The following SYT1 variants were observed in gnomAD, a reference collection of about 807,000 sequenced individuals.
SYT1 encodes the protein synaptotagmin 1.
A neutral mutation model predicts 44.8 loss-of-function variants in SYT1; 8 were observed. The ratio of observed to expected loss-of-function variants is 0.18; its 90% CI spans 0.10 to 0.32. The LOEUF (loss-of-function observed/expected upper bound fraction) is 0.32. Ranked by LOEUF, SYT1 falls within the 10% of genes least tolerant of loss-of-function variation. The probability of loss-of-function intolerance (pLI) is 1.00; values close to 1 mark genes in which losing one functional copy is unlikely to be tolerated. For missense variants in SYT1, 286 were observed against 509.3 expected (o/e 0.56, Z 4.22); for synonymous variants, 154 against 188.8 (o/e 0.82, Z 1.51).
At chr12:79,218,902 T>C (rs1263531727) in intron 4 of SYT1, among the ~76,000 whole-genome samples, 1 of 152,160 alleles carries the variant, frequency 6.6e-6, no homozygotes, top group Admixed American at 6.5e-5. Context: ...CTGGATCATA[T>C]GGTAGTTCTA....
At chr12:79,329,930 A>G (rs1409609908) in intron 8 of SYT1, among the ~76,000 whole-genome samples, 1 of 152,164 alleles carries the variant, frequency 6.6e-6, no homozygotes, top group Non-Finnish European at 1.5e-5. Context: ...CCTTTCTTGC[A>G]TTTATCCCTC....
chr12:79,234,281 T>G (rs567169530), intron 4 of SYT1, among the ~76,000 whole-genome samples: 2 of 152,328 alleles, frequency 1.3e-5, no homozygotes, highest in South Asian at 4.1e-4. Context: ...TTTGTTAAAT[T>G]AACTTTATTG....
At chr12:78,945,854 C>A (rs557205364) in intron 1 of SYT1, among the ~76,000 whole-genome samples, 4 of 152,232 alleles carry the variant, frequency 2.6e-5, no homozygotes, top group African/African-American at 9.6e-5. Flanking sequence ...TACCTATAAT[C>A]GAAGGCAGCC....
chr12:79,409,870 C>CATTG (rs1868349366), intron 9 of SYT1, among the ~76,000 whole-genome samples: 1 of 151,950 alleles, frequency 6.6e-6, no homozygotes, highest in African/African-American at 2.4e-5. Flanking sequence ...TGAACATTTG[C>CATTG]ATTGATTAAA....
rs1026747424 is a variant in SYT1 at position 79,152,737 on chromosome 12, T to C, written c.-17-64766T>C. ...GTAAGCATAGTAAGTATTTGAAGAA[T>C]AGAATGGAAAGGGAAGCTTGACTAG... is the stretch of plus-strand genomic sequence containing the variant. On this transcript the variant is annotated intron_variant, in intron 3 of 10. Transcript: ENST00000261205. Among the ~76,000 whole-genome samples, 3 of 151,888 alleles carry C rather than the reference T, an allele frequency of 2.0e-5. No homozygotes were observed. The East Asian group carries it at 5.8e-4, about 29-fold the overall frequency.
In SYT1 at chr12:78,920,888, G is replaced by A. The variant is rs74110111; in HGVS notation, c.-217+55779G>A. On this transcript the variant is annotated intron_variant, in intron 1 of 10. Transcript: ENST00000261205. The stretch of plus-strand genomic sequence containing the variant: ...GATTAGCAGGTTTGTTCAAGGCCAT[G>A]CAGCTGACAAATAAGGTATTAATAC... 2.4e-3 allele frequency among the ~76,000 whole-genome samples: 358 copies of A among 151,994 alleles called. 2 individuals are homozygous for A. Among genetic ancestry groups the A allele is most frequent in the African/African-American group, 8.3e-3 (344 of 41,512 alleles).
intron 2 of SYT1, among the ~76,000 whole-genome samples, chr12:78,994,452 A>C (rs1445523244): frequency 7.0e-6 from 1 of 143,842 alleles, no homozygotes; most frequent in African/African-American, 2.6e-5. Flanking sequence ...GTGTCATCAT[A>C]ATTTTTCTTT....
At chr12:78,878,865 T>C (rs1319620635) in intron 1 of SYT1, among the ~76,000 whole-genome samples, 1 of 151,728 alleles carries the variant, frequency 6.6e-6, no homozygotes, top group Non-Finnish European at 1.5e-5. Flanking sequence ...TTCAAAAATC[T>C]AGACTCTGAG....
intron 3 of SYT1, among the ~76,000 whole-genome samples, chr12:79,074,367 CTCCAGA>C (rs1056049796): frequency 6.6e-6 from 1 of 152,126 alleles, no homozygotes; most frequent in South Asian, 2.1e-4. Context: ...GTTTAAAAGG[CTCCAGA>C]TCCAAGTGAC....
intron 8 of SYT1, among the ~76,000 whole-genome samples, chr12:79,315,152 AT>A (rs1168879494): frequency 6.6e-6 from 1 of 152,024 alleles, no homozygotes; most frequent in Non-Finnish European, 1.5e-5. Context: ...AATAAATACC[AT>A]TTTTCTCAAT....
chr12:79,395,032 T>G (rs1417573067), intron 9 of SYT1, among the ~76,000 whole-genome samples: 2 of 152,184 alleles, frequency 1.3e-5, no homozygotes, highest in Admixed American at 1.3e-4. Flanking sequence ...CAAGATAATT[T>G]TAAAGAACTT....
intron 4 of SYT1, among the ~76,000 whole-genome samples, chr12:79,265,577 A>G (rs1878081209): frequency 6.6e-6 from 1 of 152,184 alleles, no homozygotes; most frequent in Non-Finnish European, 1.5e-5. Context: ...GCCAGAATAT[A>G]TGGAAAGAGT....
intron 2 of SYT1, among the ~76,000 whole-genome samples, chr12:78,995,405 C>T (rs116117847): frequency 4.6e-5 from 7 of 152,244 alleles, no homozygotes; most frequent in Middle Eastern, 3.4e-3. Flanking sequence ...GAAACAATAA[C>T]CATAATGGTC....
At chr12:78,992,248 G>A (rs1219800575) in intron 2 of SYT1, among the ~76,000 whole-genome samples, 11 of 152,272 alleles carry the variant, frequency 7.2e-5, no homozygotes, top group Admixed American at 3.9e-4. Context: ...GCTCTCCAAC[G>A]TATTGTCCTT....
chr12:79,112,159 G>A (rs1879049604), intron 3 of SYT1, among the ~76,000 whole-genome samples: 1 of 151,996 alleles, frequency 6.6e-6, no homozygotes, highest in African/African-American at 2.4e-5. Flanking sequence ...GCTAGTACAT[G>A]AGGAATTTAA....
rs1356213556 is a variant in SYT1, at chr12:78,973,934, AAAAAATATATATATATATATATATAT to A, written c.-216-3863_-216-3838del. On this transcript the variant is annotated intron_variant, in intron 1 of 10. Transcript: ENST00000261205. ...CGAACACCAAAAAAAAAAAAAAAAA[AAAAAATATATATATATATATATATAT>A]ATATATATATATATATATATATATA... is the stretch of plus-strand genomic sequence containing the variant. Among the ~76,000 whole-genome samples the A allele has an allele frequency of 1.4e-4, 4 of 29,170 alleles. 1 individual carries two copies. Among genetic ancestry groups the A allele is most frequent in the Admixed American group, 4.7e-4 (1 of 2,144 alleles). 19.1% of individuals were successfully genotyped at this position (29,170 alleles called of 152,430 possible). A position where few individuals can be genotyped will look rare whatever the true frequency, so the allele number is the denominator to read the frequency against.
chr12:79,183,277 T>C (rs1216774738), intron 3 of SYT1, among the ~76,000 whole-genome samples: 1 of 151,900 alleles, frequency 6.6e-6, no homozygotes, highest in Non-Finnish European at 1.5e-5. Context: ...CTGCATAGGA[T>C]GTACCAGCTT....
chr12:79,280,283 A>G (rs1398875082), intron 4 of SYT1, among the ~76,000 whole-genome samples: 2 of 152,122 alleles, frequency 1.3e-5, no homozygotes, highest in African/African-American at 4.8e-5. Context: ...TGGTTGTAAA[A>G]TAAAAGTAAT....
chr12:78,879,914 G>A (rs1204303203), intron 1 of SYT1, among the ~76,000 whole-genome samples: 1 of 151,582 alleles, frequency 6.6e-6, no homozygotes, highest in African/African-American at 2.4e-5. Context: ...TGATGTTGGA[G>A]TGCTTTCTTT....
Sources: gnomAD v4.1 joint callset for allele counts (sites outside exome capture counted in the v4.1 genomes callset) on GRCh38, gnomAD v4.1.1 for gene constraint, MANE v1.5 for transcripts, NCBI Gene and HGNC (gene_info 2026-07-23, HGNC 2026-07-21) for gene names.